Variants in MYRIP observed in about 807,000 individuals in gnomAD.
MYRIP encodes the protein myosin VIIA and Rab interacting protein.
In MYRIP, 49 loss-of-function variants were observed where a neutral mutation model predicts 98.0. The observed-to-expected ratio is 0.50, with a 90% CI of 0.40 to 0.63. The LOEUF (loss-of-function observed/expected upper bound fraction) is 0.63. MYRIP is among the 30% of genes least tolerant of loss of function. The pLI is 0.00. For synonymous variants in MYRIP, 404 were observed against 409.5 expected (o/e 0.99, Z 0.16); for missense variants, 1,004 against 1,058.2 (o/e 0.95, Z 0.71).
chr3:40,217,423 T>C (rs1952158743), intron 11 of MYRIP, among the ~76,000 whole-genome samples: 1 of 152,196 alleles, frequency 6.6e-6, no homozygotes, highest in Non-Finnish European at 1.5e-5. Context: ...ATATTAATTT[T>C]AGGATATCTA....
rs1010585356 is a variant in MYRIP, at chr3:40,084,287, A to C, written c.332+40016A>C. ...TATATAATACACATCTATGTATTAT[A>C]TATCGATATATAATACACATCTATG... On this transcript the variant is annotated intron_variant, in intron 3 of 16. Coordinates refer to ENST00000302541, the MANE Select transcript of MYRIP (RefSeq NM_015460.4). Among the ~76,000 whole-genome samples, 752 of 119,244 alleles carry C rather than the reference A, an allele frequency of 6.3e-3. 2 individuals carry two copies. Among genetic ancestry groups the C allele is most frequent in the African/African-American group, 9.9e-3 (324 of 32,866 alleles). The allele number at this position is 119,244 out of a possible 152,430, so 78.2% of individuals were successfully genotyped here.
At chr3:40,152,069 T>C (rs1950135636) in intron 4 of MYRIP, among the ~76,000 whole-genome samples, 1 of 152,204 alleles carries the variant, frequency 6.6e-6, no homozygotes, top group Non-Finnish European at 1.5e-5. Flanking sequence ...GGTCTTTTGT[T>C]GTCATTATTA....
chr3:39,941,645 C>T (rs1004854905), intron 2 of MYRIP, among the ~76,000 whole-genome samples: 5 of 151,900 alleles, frequency 3.3e-5, no homozygotes, highest in Non-Finnish European at 5.9e-5. Context: ...GATATGACAG[C>T]ATTAGATTAT....
chr3:40,224,084 GT>G (rs1232542930), intron 11 of MYRIP, among the ~76,000 whole-genome samples: 1 of 152,172 alleles, frequency 6.6e-6, no homozygotes, highest in East Asian at 1.9e-4. Context: ...CTAGAGCAAT[GT>G]GGCCAAGGGA....
At chr3:39,849,282 A>AT (rs1942057980) in intron 1 of MYRIP, among the ~76,000 whole-genome samples, 1 of 152,184 alleles carries the variant, frequency 6.6e-6, no homozygotes, top group Non-Finnish European at 1.5e-5. Flanking sequence ...AAGAAAAAAA[A>AT]TTTCCCAGGA....
At chr3:40,192,103 G>GTT (rs540619580) in intron 10 of MYRIP, among the ~76,000 whole-genome samples, 42 of 142,278 alleles carry the variant, frequency 3.0e-4, no homozygotes, top group African/African-American at 9.0e-4. Flanking sequence ...ACCCTGATGG[G>GTT]TTTTTTTTTT....
At chr3:40,183,262 AAG>A (rs1386211908) in intron 9 of MYRIP, among the ~76,000 whole-genome samples, 1 of 152,156 alleles carries the variant, frequency 6.6e-6, no homozygotes, top group African/African-American at 2.4e-5. Flanking sequence ...TGGGCCATGA[AAG>A]AGTCTTTGGT....
rs77637457 is a variant in MYRIP, at chr3:39,811,251, G to A, written c.-31+1335G>A. The stretch of plus-strand genomic sequence containing the variant: ...TACTTAGTTTTGTGATGACTGACCA[G>A]CATCTTTGAACCTGAACTTTTTCAT... On this transcript the variant is annotated intron_variant, in intron 1 of 16. Transcript: ENST00000302541. Among the ~76,000 whole-genome samples the A allele has an allele frequency of 7.5e-3, 1,141 of 152,236 alleles. 40 individuals are homozygous for A. The highest frequency in any genetic ancestry group is 0.066 in the Admixed American group (1,007 of 15,284).
Position 39,997,692 on chromosome 3 carries a change from G to A in MYRIP, c.111-46358G>A, listed in dbSNP as rs556283493. On this transcript the variant is annotated intron_variant, in intron 2 of 16. Transcript: ENST00000302541. ...CTCCCTAACTCATTTTATGAGGCCA[G>A]CATCATCCTGATACCAAAGCCTGGC... is the stretch of plus-strand genomic sequence containing the variant. Among the ~76,000 whole-genome samples the A allele has an allele frequency of 2.4e-4, 36 of 152,234 alleles. No individual in the cohort carries two copies. The East Asian group carries it at 6.8e-3, about 29-fold the overall frequency.
chr3:39,887,271 T>G (rs1199915916), intron 1 of MYRIP, among the ~76,000 whole-genome samples: 1 of 150,952 alleles, frequency 6.6e-6, no homozygotes, highest in Non-Finnish European at 1.5e-5. Flanking sequence ...AACATCACAA[T>G]TAAAAGAACT....
chr3:40,029,760 C>T (rs1947216412), intron 2 of MYRIP, among the ~76,000 whole-genome samples: 2 of 151,878 alleles, frequency 1.3e-5, no homozygotes, highest in African/African-American at 4.8e-5. Context: ...GACAAATAAT[C>T]TAATATAGAA....
intron 2 of MYRIP, among the ~76,000 whole-genome samples, chr3:40,002,546 A>AT (rs1190177956): frequency 2.6e-5 from 4 of 152,154 alleles, no homozygotes; most frequent in African/African-American, 7.2e-5. Context: ...AAAAAAAAAA[A>AT]AGAAAATATT....
intron 2 of MYRIP, among the ~76,000 whole-genome samples, chr3:39,967,479 G>T (rs927564227): frequency 6.6e-6 from 1 of 152,112 alleles, no homozygotes; most frequent in Admixed American, 6.6e-5. Flanking sequence ...TCTTTATCCA[G>T]CCTGTCCTTG....
chr3:40,117,094 C>T (rs1248002640), intron 3 of MYRIP, among the ~76,000 whole-genome samples: 1 of 152,130 alleles, frequency 6.6e-6, no homozygotes, highest in Non-Finnish European at 1.5e-5. Flanking sequence ...TCCGGTGAGG[C>T]CACATCTGCC....
intron 16 of MYRIP, among the ~76,000 whole-genome samples, chr3:40,254,215 A>G (rs11129873): frequency 0.81 from 122,569 of 152,134 alleles, 52,512 homozygotes; most frequent in Non-Finnish European, 0.94. Flanking sequence ...AGACAGGTCT[A>G]TGCCTTTCTC....
At chr3:40,000,718 G>T (rs1229762888) in intron 2 of MYRIP, among the ~76,000 whole-genome samples, 1 of 152,054 alleles carries the variant, frequency 6.6e-6, no homozygotes, top group Non-Finnish European at 1.5e-5. Context: ...AAACTGATGA[G>T]ACTGACATAA....
At chr3:40,038,825 T>C (rs1459457020) in intron 2 of MYRIP, among the ~76,000 whole-genome samples, 1 of 152,156 alleles carries the variant, frequency 6.6e-6, no homozygotes, top group Non-Finnish European at 1.5e-5. Flanking sequence ...TCCCATGCCT[T>C]GTGATTCAGA....
At chr3:40,220,187 T>G (rs561808128) in intron 11 of MYRIP, among the ~76,000 whole-genome samples, 3 of 151,068 alleles carry the variant, frequency 2.0e-5, no homozygotes, top group African/African-American at 4.9e-5. Context: ...GGGTTGTTTG[T>G]TTTTTTCTTG....
At chr3:40,133,209 G>A (rs1949682925) in intron 3 of MYRIP, among the ~76,000 whole-genome samples, 1 of 152,190 alleles carries the variant, frequency 6.6e-6, no homozygotes, top group Non-Finnish European at 1.5e-5. Context: ...AGTCAGTTGT[G>A]AAAATAAGAA....
Sources: allele counts gnomAD v4.1 joint callset (sites outside exome capture counted in the v4.1 genomes callset), GRCh38; gene constraint gnomAD v4.1.1; transcripts MANE v1.5; gene names NCBI Gene and HGNC (gene_info 2026-07-23, HGNC 2026-07-21).